The following PRKAR1A variants were observed in gnomAD, a reference collection of about 807,000 sequenced individuals.
The protein encoded by PRKAR1A is cAMP-dependent protein kinase type I-alpha regulatory subunit.
PRKAR1A carries 3 observed loss-of-function variants against 52.0 expected under a neutral mutation model. The ratio of observed to expected loss-of-function variants is 0.06; its 90% CI spans 0.03 to 0.15. The LOEUF (loss-of-function observed/expected upper bound fraction) is 0.15. Among genes scored for constraint, PRKAR1A ranks in the 10% least tolerant of loss-of-function variants. The probability of loss-of-function intolerance (pLI) is 1.00; values close to 1 mark genes in which losing one functional copy is unlikely to be tolerated. For missense variants in PRKAR1A, 240 were observed against 477.4 expected (o/e 0.50, Z 4.63); for synonymous variants, 188 against 168.4 (o/e 1.12, Z -0.90).
At chr17:68,544,970 G>C (rs1018121944) in intron 11 of PRKAR1A, among the ~76,000 whole-genome samples, 8 of 152,072 alleles carry the variant, frequency 5.3e-5, no homozygotes, top group Admixed American at 2.0e-4. Context: ...ACTAATGCAC[G>C]TCTCATTGCA....
chr17:68,430,159 G>A, the PRKAR1A span: 3 of 1,611,740 alleles, frequency 1.9e-6, no homozygotes, highest in Non-Finnish European at 1.7e-6. Context: ...TCTTCTGGTC[G>A]ACTAGGGAGT....
At chr17:68,548,476 G>A (rs973623822) in intron 11 of PRKAR1A, among the ~76,000 whole-genome samples, 2 of 151,980 alleles carry the variant, frequency 1.3e-5, no homozygotes, top group African/African-American at 2.4e-5. Flanking sequence ...GTTGCAGCGA[G>A]CTGAGATTGA....
At chr17:68,542,078 G>A in intron 11 of PRKAR1A, 1 of 1,613,970 alleles carries the variant, frequency 6.2e-7, no homozygotes, top group Non-Finnish European at 8.5e-7. Flanking sequence ...GGCAGAGAGG[G>A]AACCCTCCAG....
chr17:68,490,925 C>T, the PRKAR1A span, among the ~76,000 whole-genome samples: 1 of 152,032 alleles, frequency 6.6e-6, no homozygotes, highest in Non-Finnish European at 1.5e-5. Flanking sequence ...TACTGTATAC[C>T]TCTAACCTTG....
In PRKAR1A at chr17:68,533,016, A is replaced by G; in HGVS notation, c.*2567A>G. 9.4e-7 allele frequency: 1 copy of G among 1,065,938 alleles called. No individual in the cohort carries two copies. Among genetic ancestry groups the G allele is most frequent in the Non-Finnish European group, 1.1e-6 (1 of 879,696 alleles). 66.0% of individuals were successfully genotyped at this position (1,065,938 alleles called of 1,614,324 possible). ...TCATGGAAAGAAAAAAATTCAGTCA[A>G]AAGCTAAAGATTTCCTTTTGATTGA... On this transcript the variant is annotated 3_prime_UTR_variant, in exon 11 of 11. Transcript: ENST00000589228.
rs2085968351 is a variant in PRKAR1A, at chr17:68,531,301, T to C, written c.*852T>C. ...AATAAGAATTTGAGGTCTACATTCT[T>C]GGTTGTTAATTTAGAGCGTTTGGTT... On this transcript the variant is annotated 3_prime_UTR_variant, in exon 11 of 11. Transcript: ENST00000589228. 1 of 1,066,002 alleles carries C rather than the reference T, an allele frequency of 9.4e-7. No individual in the cohort carries two copies. Among genetic ancestry groups the C allele is most frequent in the Non-Finnish European group, 1.1e-6 (1 of 879,520 alleles). 66.0% of individuals were successfully genotyped at this position (1,066,002 alleles called of 1,614,324 possible). A position where few individuals can be genotyped will look rare whatever the true frequency, so the allele number is the denominator to read the frequency against.
chr17:68,426,250 G>GGGGGGGGGGGGT, the PRKAR1A span: 5 of 828,060 alleles, frequency 6.0e-6, no homozygotes, highest in African/African-American at 1.7e-5. Flanking sequence ...GGTGGGGAGC[G>GGGGGGGGGGGGT]GGGGCTCAAA....
the PRKAR1A span, among the ~76,000 whole-genome samples, chr17:68,449,567 AGAGT>A: frequency 3.9e-5 from 6 of 152,208 alleles, no homozygotes; most frequent in Non-Finnish European, 8.8e-5. Flanking sequence ...CCCCCACCAT[AGAGT>A]GAGTGAGTTC....
At chr17:68,493,014 T>G in the PRKAR1A span, among the ~76,000 whole-genome samples, 1 of 152,168 alleles carries the variant, frequency 6.6e-6, no homozygotes, top group Non-Finnish European at 1.5e-5. Context: ...TTATATTCCT[T>G]TGGGTATATA....
chr17:68,451,685 TG>T, the PRKAR1A span, among the ~76,000 whole-genome samples: 5 of 152,232 alleles, frequency 3.3e-5, no homozygotes, highest in Admixed American at 3.3e-4. Flanking sequence ...GGTGCCAATA[TG>T]GGAGGGGACA....
the PRKAR1A span, among the ~76,000 whole-genome samples, chr17:68,449,324 C>T: frequency 6.6e-5 from 10 of 152,226 alleles, no homozygotes; most frequent in African/African-American, 2.4e-4. Context: ...CACACCAGCA[C>T]AGTGCCTGCC....
At chr17:68,455,291 G>T in the PRKAR1A span, among the ~76,000 whole-genome samples, 1 of 149,912 alleles carries the variant, frequency 6.7e-6, no homozygotes. Flanking sequence ...TGAACCCTGG[G>T]AGGCAGAGGC....
At chr17:68,456,140 A>G in the PRKAR1A span, among the ~76,000 whole-genome samples, 1 of 152,228 alleles carries the variant, frequency 6.6e-6, no homozygotes. Flanking sequence ...CATATTTCGT[A>G]TTGTGGATTG....
intron 2 of PRKAR1A, among the ~76,000 whole-genome samples, chr17:68,516,626 T>TACA (rs2085443253): frequency 6.6e-6 from 1 of 152,138 alleles, no homozygotes; most frequent in South Asian, 2.1e-4. Flanking sequence ...GAATCTGTAC[T>TACA]AAGCTTTAAA....
rs1600461789 is a variant in PRKAR1A, at chr17:68,515,412, A to G, written c.13A>G (p.Ser5Gly). Residue 5 changes from serine to glycine, a missense_variant, in exon 2 of 11, where the codon AGT becomes GGT. This residue lies in a region of PRKAR1A where 107 missense variants were observed against 114.6 expected (regional missense o/e 0.93). Transcript: ENST00000589228. MESG[S>G]TAASEEARSL... Reference sequence around the variant, plus strand: ...CTCGCAGAGAACCATGGAGTCTGGCAGTACCGCCGCCAGTGAGGAGGCACG... The same window carrying G: ...CTCGCAGAGAACCATGGAGTCTGGCGGTACCGCCGCCAGTGAGGAGGCACG... The G allele has an allele frequency of 1.2e-6, 2 of 1,613,214 alleles. No homozygotes were observed. Among genetic ancestry groups the G allele is most frequent in the Non-Finnish European group, 1.7e-6 (2 of 1,180,040 alleles).
At chr17:68,541,969 C>T (rs2086317070) in intron 11 of PRKAR1A, 1 of 1,610,340 alleles carries the variant, frequency 6.2e-7, no homozygotes, top group African/African-American at 1.3e-5. Flanking sequence ...GCTGTGTGGC[C>T]TGGGGACCAA....
the PRKAR1A span, chr17:68,444,645 C>G: frequency 9.3e-6 from 13 of 1,399,924 alleles, no homozygotes; most frequent in Admixed American, 1.0e-4. Context: ...AGACCCTGAC[C>G]AAATCCAAAT....
chr17:68,529,822 C>T, intron 9 of PRKAR1A, 98 bp from the exon 10 acceptor site: 2 of 1,121,532 alleles, frequency 1.8e-6, no homozygotes, highest in Non-Finnish European at 1.4e-6. Context: ...ATCATATGCA[C>T]ACATTTGCAA....
the PRKAR1A span, among the ~76,000 whole-genome samples, chr17:68,485,799 C>A: frequency 6.6e-6 from 1 of 152,118 alleles, no homozygotes; most frequent in Non-Finnish European, 1.5e-5. Flanking sequence ...AGTGCAGTGG[C>A]GTGATCTCAG....
Sources: gnomAD v4.1 joint callset for allele counts (sites outside exome capture counted in the v4.1 genomes callset) on GRCh38, gnomAD v4.1.1 for gene constraint, gnomAD v4.1.1 regional missense constraint, MANE v1.5 for transcripts, NCBI Gene and HGNC (gene_info 2026-07-23, HGNC 2026-07-21) for gene names.